SPATA13: variants seen among roughly 807,000 people sequenced by gnomAD.
The protein encoded by SPATA13 is spermatogenesis-associated protein 13.
SPATA13 carries 50 observed loss-of-function variants against 104.0 expected under a neutral mutation model. The ratio of observed to expected loss-of-function variants is 0.48; its 90% CI spans 0.38 to 0.61. The LOEUF (loss-of-function observed/expected upper bound fraction) is 0.61. SPATA13 is among the 20% of genes least tolerant of loss of function. The pLI, the probability that SPATA13 is intolerant of heterozygous loss-of-function variation, is 0.00. For missense variants in SPATA13, 1,524 were observed against 1,690.6 expected, an observed-to-expected ratio of 0.90 and a Z score of 1.73; for synonymous variants, 606 against 667.5, an observed-to-expected ratio of 0.91 and a Z score of 1.42.
At chr13:24,276,917 C>T (rs34631817) in intron 4 of SPATA13, among the ~76,000 whole-genome samples, 33,898 of 152,132 alleles carry the variant, frequency 0.22, 4,023 homozygotes, top group Middle Eastern at 0.29. Flanking sequence ...GGCATTGACA[C>T]GCTGTGGACT....
At chr13:24,012,395 T>G (rs1335650206) in intron 2 of SPATA13, among the ~76,000 whole-genome samples, 1 of 152,218 alleles carries the variant, frequency 6.6e-6, no homozygotes, top group East Asian at 1.9e-4. Flanking sequence ...TCGTGGTTGG[T>G]CAGTATCTTG....
intron 3 of SPATA13, among the ~76,000 whole-genome samples, chr13:24,059,218 C>G (rs542795865): frequency 1.3e-5 from 2 of 151,702 alleles, no homozygotes; most frequent in African/African-American, 4.8e-5. Flanking sequence ...TAATCCACCC[C>G]CCTCGGCCTC....
At chr13:24,060,099 A>G (rs1295241455) in intron 3 of SPATA13, among the ~76,000 whole-genome samples, 2 of 152,234 alleles carry the variant, frequency 1.3e-5, no homozygotes, top group Admixed American at 6.5e-5. Context: ...ATGTGGAATC[A>G]AAATGAGCCC....
At chr13:24,026,165 A>G (rs528079271) in intron 3 of SPATA13, among the ~76,000 whole-genome samples, 2 of 152,198 alleles carry the variant, frequency 1.3e-5, no homozygotes, top group South Asian at 4.2e-4. Flanking sequence ...ATGATTTTTC[A>G]TGTCGTTTTA....
At chr13:24,076,621 G>C (rs940137713) in intron 3 of SPATA13, among the ~76,000 whole-genome samples, 1 of 151,994 alleles carries the variant, frequency 6.6e-6, no homozygotes, top group East Asian at 1.9e-4. Flanking sequence ...GGTGACCCGG[G>C]GTCTGGGGTG....
intron 3 of SPATA13, among the ~76,000 whole-genome samples, chr13:24,250,636 G>A (rs563028816): frequency 1.3e-5 from 2 of 152,296 alleles, no homozygotes; most frequent in African/African-American, 2.4e-5. Context: ...GTACTGGATT[G>A]TATACGTCTA....
chr13:24,149,294 C>G (rs1882027752), intron 3 of SPATA13, among the ~76,000 whole-genome samples: 1 of 152,204 alleles, frequency 6.6e-6, no homozygotes, highest in Non-Finnish European at 1.5e-5. Context: ...AGAGAGAACA[C>G]CGAACACACC....
intron 3 of SPATA13, among the ~76,000 whole-genome samples, chr13:24,132,598 G>A (rs1339564474): frequency 6.6e-6 from 1 of 152,190 alleles, no homozygotes; most frequent in Admixed American, 6.5e-5. Flanking sequence ...AACATTATTA[G>A]GAAGGTAAAG....
chr13:24,124,667 T>C (rs9553189), intron 3 of SPATA13, among the ~76,000 whole-genome samples: 28,491 of 152,198 alleles, frequency 0.19, 4,184 homozygotes, highest in African/African-American at 0.39. Context: ...AAGTTTGGTT[T>C]AGCAATTCTA....
In SPATA13 at chr13:24,228,120, T is replaced by G. The variant is rs1364619192; in HGVS notation, c.1653+3538T>G. Among the ~76,000 whole-genome samples the G allele has an allele frequency of 3.4e-5, 5 of 146,352 alleles. No individual in the cohort carries two copies. In the East Asian group the frequency reaches 9.9e-4, roughly 29 times the overall value. ...CCCCTCTTGTACTCTTTTTTTTTTT[T>G]TTTTTTTTTTTGAGACGGAGTCTAA... On this transcript the variant is annotated intron_variant, in intron 2 of 12. Coordinates refer to ENST00000382108, the MANE Select transcript of SPATA13 (RefSeq NM_001166271.3).
intron 2 of SPATA13, among the ~76,000 whole-genome samples, chr13:23,999,368 CAAAAAAAAA>C (rs34668799): frequency 9.5e-5 from 9 of 94,382 alleles, no homozygotes; most frequent in South Asian, 3.5e-4. Flanking sequence ...CATTTTCTAC[CAAAAAAAAA>C]AAAAAAAAAA....
chr13:24,280,491 C>CTT (rs57348867), intron 4 of SPATA13, among the ~76,000 whole-genome samples: 13,854 of 144,938 alleles, frequency 0.096, 1,188 homozygotes, highest in African/African-American at 0.23. Flanking sequence ...CTGAGATGCA[C>CTT]TTTTTTTTTT....
At chr13:24,067,910 G>T (rs1424168923) in intron 3 of SPATA13, among the ~76,000 whole-genome samples, 8 of 152,152 alleles carry the variant, frequency 5.3e-5, no homozygotes, top group Admixed American at 5.2e-4. Context: ...CACCATGTTG[G>T]CAAGGTTGGT....
At chr13:24,005,575 A>G (rs1440400515) in intron 2 of SPATA13, among the ~76,000 whole-genome samples, 1 of 151,056 alleles carries the variant, frequency 6.6e-6, no homozygotes, top group African/African-American at 2.4e-5. Context: ...TCCCTGGTAA[A>G]GGGATGAACT....
chr13:24,050,511 C>T (rs1450293194), intron 3 of SPATA13, among the ~76,000 whole-genome samples: 2 of 152,122 alleles, frequency 1.3e-5, no homozygotes, highest in African/African-American at 4.8e-5. Context: ...GGCCACTGTC[C>T]CTGGTCAGGC....
At chr13:24,063,888 A>T (rs1288093313) in intron 3 of SPATA13, among the ~76,000 whole-genome samples, 1 of 152,094 alleles carries the variant, frequency 6.6e-6, no homozygotes, top group African/African-American at 2.4e-5. Flanking sequence ...TTATTCCAGG[A>T]GACCCCAGAG....
At chr13:24,165,451 A>C (rs557442825) in intron 1 of SPATA13, among the ~76,000 whole-genome samples, 20 of 152,204 alleles carry the variant, frequency 1.3e-4, no homozygotes, top group Non-Finnish European at 2.5e-4. Context: ...CCTTAGAGAG[A>C]AGTAGAGCAC....
At chr13:24,296,314 G>A (rs1288717329) in intron 10 of SPATA13, among the ~76,000 whole-genome samples, 2 of 152,110 alleles carry the variant, frequency 1.3e-5, no homozygotes, top group Non-Finnish European at 2.9e-5. Context: ...AGGCTCTTTT[G>A]CCTCCAAAAA....
At chr13:24,097,558 T>C (rs914034057) in intron 3 of SPATA13, among the ~76,000 whole-genome samples, 2 of 151,674 alleles carry the variant, frequency 1.3e-5, no homozygotes, top group African/African-American at 4.8e-5. Context: ...AATCCTAACA[T>C]GAAAACTGAT....
Sources: allele counts gnomAD v4.1 joint callset (sites outside exome capture counted in the v4.1 genomes callset), GRCh38; gene constraint gnomAD v4.1.1; transcripts MANE v1.5; gene names NCBI Gene and HGNC (gene_info 2026-07-23, HGNC 2026-07-21).